STPG2: variants seen among roughly 807,000 people sequenced by gnomAD.
STPG2 encodes the protein sperm tail PG-rich repeat containing 2.
In STPG2, 56 loss-of-function variants were observed where a neutral mutation model predicts 54.2. The observed-to-expected ratio is 1.03, with a 90% CI of 0.83 to 1.29. The LOEUF (loss-of-function observed/expected upper bound fraction) is 1.29. Ranked by LOEUF, STPG2 falls within the 50% of genes most tolerant of loss-of-function variation. The pLI, the probability that STPG2 is intolerant of heterozygous loss-of-function variation, is 0.00. For synonymous variants in STPG2, 200 were observed against 181.8 expected (o/e 1.10, Z -0.81); for missense variants, 596 against 544.9 (o/e 1.09, Z -0.93).
intron 4 of STPG2, among the ~76,000 whole-genome samples, chr4:97,539,105 C>A (rs1280522117): frequency 6.6e-6 from 1 of 152,148 alleles, no homozygotes; most frequent in Non-Finnish European, 1.5e-5. Context: ...ATTGTAAAGA[C>A]CATCAATGCT....
intron 9 of STPG2, among the ~76,000 whole-genome samples, chr4:97,742,424 A>T (rs1424892568): frequency 6.6e-6 from 1 of 151,294 alleles, no homozygotes; most frequent in African/African-American, 2.4e-5. Flanking sequence ...TACTTCTTAA[A>T]GAGATAGCTG....
intron 5 of STPG2, among the ~76,000 whole-genome samples, chr4:98,077,225 T>TTTGTTGCTG (rs1738196156): frequency 6.7e-6 from 1 of 148,570 alleles, no homozygotes; most frequent in African/African-American, 2.5e-5. Flanking sequence ...CCTCAATAGT[T>TTTGTTGCTG]TTGTTGTTGT....
Position 97,981,222 on chromosome 4 carries a change from T to C in STPG2, c.709A>G (p.Asn237Asp). 6.2e-7 allele frequency: 1 copy of C among 1,614,016 alleles called. No individual in the cohort carries two copies. ...KSLKKTSGLK[N>D]IPFGQSAVRF... ...ACAGCACTTTGACCAAATGGAATAT[T>C]TTTCAGTCCTGATGTTTTCTTCAAA... The change falls in exon 6 of 11, where the codon AAT (asparagine) becomes GAT (aspartate). Residue 237 changes from asparagine (N) to aspartate (D), a missense_variant. Coordinates refer to ENST00000295268, the MANE Select transcript of STPG2 (RefSeq NM_174952.3).
At chr4:98,123,815 T>A (rs1052258102) in intron 3 of STPG2, among the ~76,000 whole-genome samples, 1 of 152,216 alleles carries the variant, frequency 6.6e-6, no homozygotes, top group African/African-American at 2.4e-5. Flanking sequence ...TGTGTGGGAA[T>A]CTAAGTCTCT....
At chr4:98,034,899 AG>A (rs1736721946) in intron 5 of STPG2, among the ~76,000 whole-genome samples, 1 of 152,228 alleles carries the variant, frequency 6.6e-6, no homozygotes, top group Non-Finnish European at 1.5e-5. Flanking sequence ...AGCCATGTGC[AG>A]AAAGCTGAAA....
At chr4:98,126,965 G>A (rs1189762546) in intron 3 of STPG2, among the ~76,000 whole-genome samples, 1 of 151,776 alleles carries the variant, frequency 6.6e-6, no homozygotes, top group Admixed American at 6.6e-5. Flanking sequence ...ACATCTAACT[G>A]GGAACAATGA....
intron 9 of STPG2, among the ~76,000 whole-genome samples, chr4:97,745,427 AC>A (rs1444667045): frequency 6.6e-6 from 1 of 151,108 alleles, no homozygotes. Flanking sequence ...AACTAAAGAT[AC>A]TTTTTCCTCT....
intron 9 of STPG2, among the ~76,000 whole-genome samples, chr4:97,722,803 T>A (rs926000884): frequency 7.4e-5 from 11 of 149,212 alleles, no homozygotes; most frequent in African/African-American, 2.5e-4. Flanking sequence ...GCCAATTTTT[T>A]TTTTTTTTTT....
Position 97,454,519 on chromosome 4 carries a change from C to CAAAAAAAAAAA in STPG2, c.462+258169_462+258179dup, listed in dbSNP as rs10564687. Among the ~76,000 whole-genome samples the CAAAAAAAAAAA allele has an allele frequency of 4.6e-5, 2 of 43,644 alleles. 1 individual carries two copies. Among genetic ancestry groups the CAAAAAAAAAAA allele is most frequent in the South Asian group, 3.0e-3 (2 of 660 alleles). The allele number at this position is 43,644 out of a possible 152,430, so 28.6% of individuals were successfully genotyped here. ...TGGGCGACAGAGCGAGACTCCGTCT[C>CAAAAAAAAAAA]AAAAAAAAAAAAAAAAAAAAAAAAA... On this transcript the variant is annotated intron_variant, in intron 4 of 4. Transcript: ENST00000522676.
intron 10 of STPG2, among the ~76,000 whole-genome samples, chr4:97,634,420 A>C (rs1721425606): frequency 6.6e-6 from 1 of 152,142 alleles, no homozygotes; most frequent in Non-Finnish European, 1.5e-5. Flanking sequence ...CTGGAAACTA[A>C]AAATCAGAGC....
chr4:97,644,325 C>T (rs1721848818), intron 10 of STPG2, among the ~76,000 whole-genome samples: 1 of 151,890 alleles, frequency 6.6e-6, no homozygotes, highest in South Asian at 2.1e-4. Flanking sequence ...AAACCAAACA[C>T]AAATTGTTAC....
At chr4:97,933,706 T>C (rs947799216) in intron 8 of STPG2, among the ~76,000 whole-genome samples, 20 of 152,296 alleles carry the variant, frequency 1.3e-4, no homozygotes, top group African/African-American at 4.8e-4. Flanking sequence ...ATCTCTATTC[T>C]GTTCCGTTGA....
At chr4:97,907,449 A>C (rs904102806) in intron 8 of STPG2, among the ~76,000 whole-genome samples, 10 of 152,188 alleles carry the variant, frequency 6.6e-5, no homozygotes, top group Non-Finnish European at 1.3e-4. Flanking sequence ...TGCCCAAGGT[A>C]ATTTACAGAT....
chr4:98,108,634 A>C lies in STPG2; in HGVS notation c.500+559T>G, dbSNP rs1200747235. On this transcript the variant is annotated intron_variant, in intron 4 of 10. Coordinates refer to ENST00000295268, the MANE Select transcript of STPG2 (RefSeq NM_174952.3). ...TTTTATCTACTTTATAATTAAGGAC[A>C]GTATATTTTAGTACATGGCTACATG... Among the ~76,000 whole-genome samples the C allele has an allele frequency of 3.9e-5, 6 of 152,092 alleles. No individual in the cohort carries two copies. The East Asian group carries it at 9.6e-4, about 24-fold the overall frequency.
intron 1 of STPG2, among the ~76,000 whole-genome samples, chr4:98,134,853 C>T (rs1478448838): frequency 6.6e-6 from 1 of 151,676 alleles, no homozygotes; most frequent in African/African-American, 2.4e-5. Context: ...CATATATAAA[C>T]TTGTAAAGAC....
At chr4:97,644,621 GGGGACATT>G (rs1192573479) in intron 10 of STPG2, among the ~76,000 whole-genome samples, 1 of 151,918 alleles carries the variant, frequency 6.6e-6, no homozygotes, top group African/African-American at 2.4e-5. Context: ...GGAACTACTA[GGGGACATT>G]TGATTTTCAG....
intron 8 of STPG2, among the ~76,000 whole-genome samples, chr4:97,935,093 T>G (rs1732700496): frequency 6.6e-6 from 1 of 152,208 alleles, no homozygotes; most frequent in Non-Finnish European, 1.5e-5. Context: ...GTGTGGTGTA[T>G]GTGTCCAGGA....
At chr4:97,903,560 A>G (rs1293947333) in intron 8 of STPG2, among the ~76,000 whole-genome samples, 1 of 152,222 alleles carries the variant, frequency 6.6e-6, no homozygotes, top group African/African-American at 2.4e-5. Context: ...TTAAAAGACC[A>G]ATAAAACTCA....
At chr4:97,527,333 C>T (rs928935619) in intron 4 of STPG2, among the ~76,000 whole-genome samples, 4 of 152,094 alleles carry the variant, frequency 2.6e-5, no homozygotes, top group Non-Finnish European at 5.9e-5. Context: ...ATGAACTCAT[C>T]CTTTTCTTAT....
Sources: gnomAD v4.1 joint callset for allele counts (sites outside exome capture counted in the v4.1 genomes callset) on GRCh38, gnomAD v4.1.1 for gene constraint, MANE v1.5 for transcripts, NCBI Gene and HGNC (gene_info 2026-07-23, HGNC 2026-07-21) for gene names.